The following DEPTOR variants were observed in gnomAD, a reference collection of about 807,000 sequenced individuals.
DEPTOR encodes DEP domain-containing mTOR-interacting protein.
A neutral mutation model predicts 41.6 loss-of-function variants in DEPTOR; 41 were observed. The ratio of observed to expected loss-of-function variants is 0.98; its 90% CI spans 0.77 to 1.28. DEPTOR has a LOEUF of 1.28. DEPTOR is among the 50% of genes most tolerant of loss of function. DEPTOR has a pLI of 0.00. For missense variants in DEPTOR, 514 were observed against 527.9 expected (o/e 0.97, Z 0.26); for synonymous variants, 195 against 192.3 (o/e 1.01, Z -0.12).
At chr8:119,947,547 G>C (rs1828299095) in intron 3 of DEPTOR, among the ~76,000 whole-genome samples, 1 of 152,150 alleles carries the variant, frequency 6.6e-6, no homozygotes, top group Non-Finnish European at 1.5e-5. Context: ...TTTCTAGCCA[G>C]TGGGTGAAAT....
chr8:120,018,753 G>A (rs1419798833), intron 8 of DEPTOR, among the ~76,000 whole-genome samples: 1 of 152,160 alleles, frequency 6.6e-6, no homozygotes, highest in African/African-American at 2.4e-5. Context: ...ACTGGGAGGA[G>A]CAAGATGACC....
In DEPTOR at chr8:119,897,191, TTACACA is replaced by T. The variant is rs374964161; in HGVS notation, c.122+23226_122+23231del. Reference sequence around the variant, plus strand: ...TGCATATCCCCAGACTGGATGTGTTTTACACATAAGGGATAGATTATCCAACAGAAT... The same window carrying T: ...TGCATATCCCCAGACTGGATGTGTTTTAAGGGATAGATTATCCAACAGAAT... On this transcript the variant is annotated intron_variant, in intron 1 of 8. Coordinates refer to ENST00000286234, the MANE Select transcript of DEPTOR (RefSeq NM_022783.4). Among the ~76,000 whole-genome samples the T allele has an allele frequency of 4.8e-3, 727 of 152,266 alleles. 7 individuals carry two copies. The highest frequency in any genetic ancestry group is 0.016 in the African/African-American group (663 of 41,574).
intron 4 of DEPTOR, among the ~76,000 whole-genome samples, chr8:119,988,547 A>T (rs917344402): frequency 6.6e-6 from 1 of 151,992 alleles, no homozygotes; most frequent in African/African-American, 2.4e-5. Flanking sequence ...CAGTGGTGTG[A>T]TCTTGGTTCA....
chr8:119,892,412 T>G (rs1827463300), intron 1 of DEPTOR, among the ~76,000 whole-genome samples: 1 of 152,242 alleles, frequency 6.6e-6, no homozygotes, highest in Admixed American at 6.5e-5. Flanking sequence ...TTGGCATTGA[T>G]TTTGTACTGC....
At chr8:119,882,190 C>A (rs1458977875) in intron 1 of DEPTOR, among the ~76,000 whole-genome samples, 6 of 152,150 alleles carry the variant, frequency 3.9e-5, no homozygotes, top group Non-Finnish European at 8.8e-5. Context: ...TGCGCTCGGC[C>A]TTGTAATTAC....
chr8:119,981,850 C>T (rs1186738249), intron 4 of DEPTOR, among the ~76,000 whole-genome samples: 3 of 151,450 alleles, frequency 2.0e-5, no homozygotes, highest in Non-Finnish European at 2.9e-5. Flanking sequence ...CCTCGTTCTA[C>T]TAAAAATACA....
chr8:119,931,234 A>T (rs1586620544), intron 3 of DEPTOR, among the ~76,000 whole-genome samples: 1 of 152,060 alleles, frequency 6.6e-6, no homozygotes, highest in Admixed American at 6.6e-5. Context: ...AACAAAACAT[A>T]TTTGTCACAT....
In DEPTOR at chr8:119,987,537, T is replaced by G. The variant is rs969775594; in HGVS notation, c.605-13988T>G. 8.5e-5 allele frequency among the ~76,000 whole-genome samples: 13 copies of G among 152,302 alleles called. No homozygotes were observed. The South Asian group carries it at 1.0e-3, about 12-fold the overall frequency. ...GGACCCACTTGAGGAGGCAGTCTAT[T>G]CCTTAGCAGAGCTCGAGTGCTGTGC... On this transcript the variant is annotated intron_variant, in intron 4 of 8. Coordinates refer to ENST00000286234, the MANE Select transcript of DEPTOR (RefSeq NM_022783.4).
intron 5 of DEPTOR, among the ~76,000 whole-genome samples, 186 bp from the exon 6 acceptor site, chr8:120,002,791 A>AAAAAATATATATATATATATATAT: frequency 2.1e-4 from 13 of 60,664 alleles, no homozygotes; most frequent in African/African-American, 3.8e-4. Flanking sequence ...AAAAAAAAAA[A>AAAAAATATATATATATATATATAT]ATATATATAT....
At chr8:119,947,672 G>A (rs1489098246) in intron 3 of DEPTOR, among the ~76,000 whole-genome samples, 1 of 152,192 alleles carries the variant, frequency 6.6e-6, no homozygotes, top group African/African-American at 2.4e-5. Context: ...CTAGCACAGG[G>A]CGGCGTATCC....
intron 3 of DEPTOR, among the ~76,000 whole-genome samples, chr8:119,959,524 AAATAATCTT>A (rs1828462133): frequency 1.3e-5 from 2 of 148,230 alleles, no homozygotes; most frequent in South Asian, 4.3e-4. Context: ...GAAAATATCT[AAATAATCTT>A]TTTTTTTTTT....
chr8:119,991,085 T>A, intron 4 of DEPTOR, among the ~76,000 whole-genome samples: 1 of 75,286 alleles, frequency 1.3e-5, no homozygotes, highest in Non-Finnish European at 2.8e-5. Flanking sequence ...TTTCTTTCTT[T>A]CTTTTTCTTT....
At chr8:119,913,927 CG>C (rs1351267028) in intron 1 of DEPTOR, among the ~76,000 whole-genome samples, 2 of 152,102 alleles carry the variant, frequency 1.3e-5, no homozygotes, top group Non-Finnish European at 2.9e-5. Context: ...GTCCCATCAG[CG>C]GGACAAGCCC....
At chr8:119,934,609 C>T (rs6995862) in intron 3 of DEPTOR, among the ~76,000 whole-genome samples, 27,907 of 152,220 alleles carry the variant, frequency 0.18, 2,934 homozygotes, top group Middle Eastern at 0.34. Context: ...GACCGAGATC[C>T]ATCTGTACAG....
intron 1 of DEPTOR, among the ~76,000 whole-genome samples, chr8:119,886,268 C>T (rs1186753036): frequency 6.6e-6 from 1 of 152,096 alleles, no homozygotes; most frequent in East Asian, 1.9e-4. Context: ...AATGTCAGGC[C>T]TCATATGGCT....
At chr8:119,994,452 C>T (rs1170470941) in intron 4 of DEPTOR, among the ~76,000 whole-genome samples, 1 of 152,160 alleles carries the variant, frequency 6.6e-6, no homozygotes, top group Admixed American at 6.5e-5. Flanking sequence ...CTTCCCAAAC[C>T]TTACTGTGTC....
intron 3 of DEPTOR, among the ~76,000 whole-genome samples, chr8:119,948,263 A>G (rs1357868312): frequency 1.3e-5 from 2 of 152,062 alleles, no homozygotes; most frequent in South Asian, 2.1e-4. Context: ...AGATATTTAA[A>G]TGGTCTAGGC....
chr8:119,888,343 T>C (rs1443225713), intron 1 of DEPTOR, among the ~76,000 whole-genome samples: 4 of 152,264 alleles, frequency 2.6e-5, no homozygotes, highest in African/African-American at 9.6e-5. Flanking sequence ...AATTGTCATA[T>C]ATCAAGCCCT....
chr8:119,900,938 T>C (rs1827582468), intron 1 of DEPTOR, among the ~76,000 whole-genome samples: 1 of 152,186 alleles, frequency 6.6e-6, no homozygotes, highest in African/African-American at 2.4e-5. Flanking sequence ...TAGAGTAGAA[T>C]ATAAATAAAT....
Sources: gnomAD v4.1 joint callset for allele counts (sites outside exome capture counted in the v4.1 genomes callset) on GRCh38, gnomAD v4.1.1 for gene constraint, MANE v1.5 for transcripts, NCBI Gene and HGNC (gene_info 2026-07-23, HGNC 2026-07-21) for gene names.